Variants in DAB1 observed in about 807,000 individuals in gnomAD.
DAB1 encodes DAB adaptor protein 1, also known as disabled homolog 1.
A neutral mutation model predicts 64.6 loss-of-function variants in DAB1; 15 were observed. That is an observed-to-expected ratio of 0.23 (90% confidence interval 0.16 to 0.36). The LOEUF (loss-of-function observed/expected upper bound fraction) is 0.36. Ranked by LOEUF, DAB1 falls within the 10% of genes least tolerant of loss-of-function variation. The pLI is 1.00. For missense variants in DAB1, 596 were observed against 706.7 expected, an observed-to-expected ratio of 0.84 and a Z score of 1.78; for synonymous variants, 235 against 251.9, an observed-to-expected ratio of 0.93 and a Z score of 0.64.
intron 3 of DAB1, among the ~76,000 whole-genome samples, chr1:58,386,241 T>C (rs761235437): frequency 6.6e-6 from 1 of 152,160 alleles, no homozygotes; most frequent in African/African-American, 2.4e-5. Context: ...AAACATTCCC[T>C]CAGGAACCTC....
chr1:57,909,561 A>G (rs1314929686), intron 5 of DAB1, among the ~76,000 whole-genome samples: 6 of 152,174 alleles, frequency 3.9e-5, no homozygotes, highest in African/African-American at 1.2e-4. Context: ...TAGAGAAACA[A>G]TTTTTAATAA....
rs548420825 is a variant in DAB1 at position 57,069,351 on chromosome 1, A to G, written c.663+9T>C. On this transcript the variant is annotated intron_variant, in intron 8 of 14. Transcript: ENST00000371236. ...GGTGCAATGGTAAGAGAGGCAAGCA[A>G]TTTTATACCTGATAAATGTTTTCTT... 1 of 1,611,854 alleles carries G rather than the reference A, an allele frequency of 6.2e-7. No homozygotes were observed. Among genetic ancestry groups the G allele is most frequent in the Non-Finnish European group, 8.5e-7 (1 of 1,178,184 alleles).
chr1:57,046,884 G>T (rs1024962483), intron 9 of DAB1, among the ~76,000 whole-genome samples: 2 of 152,346 alleles, frequency 1.3e-5, no homozygotes, highest in Non-Finnish European at 2.9e-5. Context: ...CTTGCCTTCT[G>T]TTTGAAATCT....
chr1:57,966,878 G>A (rs116445597), intron 5 of DAB1, among the ~76,000 whole-genome samples: 5 of 152,194 alleles, frequency 3.3e-5, no homozygotes, highest in East Asian at 3.9e-4. Context: ...CATGATTTGC[G>A]TTTTCATATT....
At chr1:57,972,438 TTG>T (rs1645820079) in intron 5 of DAB1, among the ~76,000 whole-genome samples, 1 of 152,074 alleles carries the variant, frequency 6.6e-6, no homozygotes, top group East Asian at 1.9e-4. Flanking sequence ...AGACAGAGTC[TTG>T]CTATGTTGCC....
chr1:58,035,046 G>A (rs999528026), intron 5 of DAB1, among the ~76,000 whole-genome samples: 6 of 152,140 alleles, frequency 3.9e-5, no homozygotes, highest in African/African-American at 1.4e-4. Flanking sequence ...TTGCACTCTT[G>A]GGAGTTCTGA....
intron 1 of DAB1, among the ~76,000 whole-genome samples, chr1:57,365,657 T>A (rs1371093450): frequency 6.6e-6 from 1 of 151,998 alleles, no homozygotes; most frequent in Non-Finnish European, 1.5e-5. Context: ...ATGATTCAAG[T>A]GAGGTCTCTC....
intron 5 of DAB1, chr1:58,084,490 T>C (rs1650182449): frequency 5.8e-6 from 1 of 173,062 alleles, no homozygotes; most frequent in South Asian, 1.6e-4. Flanking sequence ...GTCATGTCCA[T>C]GTATAAAGAA....
chr1:57,143,561 T>C (rs1436458094), intron 3 of DAB1, among the ~76,000 whole-genome samples: 1 of 152,212 alleles, frequency 6.6e-6, no homozygotes, highest in East Asian at 1.9e-4. Flanking sequence ...AGTTTGTTTA[T>C]ATAACAGGTT....
At chr1:57,348,946 G>C (rs1447563939) in intron 1 of DAB1, among the ~76,000 whole-genome samples, 3 of 152,050 alleles carry the variant, frequency 2.0e-5, no homozygotes, top group Admixed American at 2.0e-4. Context: ...GTAAGAGGTG[G>C]GTCCAGCCAT....
At chr1:57,408,204 C>T (rs553413651) in intron 1 of DAB1, among the ~76,000 whole-genome samples, 92 of 152,266 alleles carry the variant, frequency 6.0e-4, no homozygotes, top group African/African-American at 2.1e-3. Context: ...ATTCATTCTC[C>T]CTACTTCATG....
At chr1:58,417,483 G>A (rs1041317459) in intron 3 of DAB1, among the ~76,000 whole-genome samples, 2 of 152,090 alleles carry the variant, frequency 1.3e-5, no homozygotes, top group Non-Finnish European at 2.9e-5. Context: ...AGTGGTTGGA[G>A]GATGGGAGGG....
At chr1:58,168,528 A>T (rs1053450075) in intron 4 of DAB1, among the ~76,000 whole-genome samples, 1 of 151,902 alleles carries the variant, frequency 6.6e-6, no homozygotes, top group Non-Finnish European at 1.5e-5. Flanking sequence ...TTCTCCTATG[A>T]TTTCTAGTAT....
chr1:57,686,138 C>A (rs1646694636), intron 6 of DAB1, among the ~76,000 whole-genome samples: 2 of 151,966 alleles, frequency 1.3e-5, no homozygotes, highest in Non-Finnish European at 2.9e-5. Flanking sequence ...AAAGAATAAA[C>A]AAGATTGCTA....
At chr1:57,925,773 C>T (rs1644870211) in intron 5 of DAB1, among the ~76,000 whole-genome samples, 1 of 152,152 alleles carries the variant, frequency 6.6e-6, no homozygotes, top group Non-Finnish European at 1.5e-5. Flanking sequence ...AAGATTATTT[C>T]TCTTAAGCAA....
chr1:57,060,558 A>G (rs1650285411), intron 9 of DAB1, among the ~76,000 whole-genome samples: 1 of 152,176 alleles, frequency 6.6e-6, no homozygotes, highest in Non-Finnish European at 1.5e-5. Flanking sequence ...CATTCAAGGA[A>G]GTAATAGGGA....
intron 4 of DAB1, among the ~76,000 whole-genome samples, chr1:58,321,356 T>C (rs1216818707): frequency 1.3e-5 from 2 of 152,290 alleles, no homozygotes; most frequent in Non-Finnish European, 2.9e-5. Flanking sequence ...ACGCAGAAGA[T>C]GGTGATTTCT....
At chr1:58,110,816 A>G (rs538816207) in intron 5 of DAB1, among the ~76,000 whole-genome samples, 1 of 152,306 alleles carries the variant, frequency 6.6e-6, no homozygotes, top group South Asian at 2.1e-4. Flanking sequence ...GTTAGTTATC[A>G]CTTCATTATA....
chr1:57,507,108 A>G (rs1249111601), intron 7 of DAB1, among the ~76,000 whole-genome samples: 1 of 152,142 alleles, frequency 6.6e-6, no homozygotes, highest in African/African-American at 2.4e-5. Flanking sequence ...ATGGCTCCCC[A>G]CTGCCTCCAG....
Sources: gnomAD v4.1 joint callset for allele counts (sites outside exome capture counted in the v4.1 genomes callset) on GRCh38, gnomAD v4.1.1 for gene constraint, MANE v1.5 for transcripts, NCBI Gene and HGNC (gene_info 2026-07-23, HGNC 2026-07-21) for gene names.